Variants in SUPT3H observed in about 807,000 individuals in gnomAD.
The protein encoded by SUPT3H is transcription initiation protein SPT3 homolog.
A neutral mutation model predicts 44.3 loss-of-function variants in SUPT3H; 44 were observed. The observed-to-expected ratio is 0.99, with a 90% CI of 0.78 to 1.28. The LOEUF (loss-of-function observed/expected upper bound fraction) is 1.28. SUPT3H is among the 50% of genes most tolerant of loss of function. The probability of loss-of-function intolerance (pLI) is 0.00; values close to 1 mark genes in which losing one functional copy is unlikely to be tolerated. For synonymous variants in SUPT3H, 124 were observed against 125.6 expected (o/e 0.99, Z 0.09); for missense variants, 380 against 387.1 (o/e 0.98, Z 0.15).
At chr6:45,371,403 T>C (rs1015061448) in intron 1 of SUPT3H, among the ~76,000 whole-genome samples, 14 of 151,820 alleles carry the variant, frequency 9.2e-5, no homozygotes, top group Non-Finnish European at 1.9e-4. Flanking sequence ...ACTTTTTTTT[T>C]TTTTTTTCAC....
At chr6:45,051,231 T>C (rs992751394) in intron 3 of SUPT3H, among the ~76,000 whole-genome samples, 2 of 152,122 alleles carry the variant, frequency 1.3e-5, no homozygotes, top group Non-Finnish European at 2.9e-5. Context: ...GGTTGGGGAA[T>C]AGACAGTTAA....
intron 10 of SUPT3H, among the ~76,000 whole-genome samples, chr6:44,909,220 C>T (rs558992507): frequency 6.6e-6 from 1 of 151,522 alleles, no homozygotes; most frequent in East Asian, 1.9e-4. Flanking sequence ...GCTAAACTTG[C>T]TATCCATATT....
At chr6:44,927,902 TTGAG>T (rs1769784209) in intron 10 of SUPT3H, among the ~76,000 whole-genome samples, 1 of 152,184 alleles carries the variant, frequency 6.6e-6, no homozygotes, top group African/African-American at 2.4e-5. Flanking sequence ...TTGAGTGTGG[TTGAG>T]TGGAATGGTT....
At chr6:44,933,800 C>T (rs1170553202) in intron 9 of SUPT3H, among the ~76,000 whole-genome samples, 4 of 152,134 alleles carry the variant, frequency 2.6e-5, no homozygotes, top group Non-Finnish European at 5.9e-5. Flanking sequence ...AGTGCCACCA[C>T]ATATGGCTAA....
At chr6:45,253,390 G>A (rs543951683) in intron 2 of SUPT3H, among the ~76,000 whole-genome samples, 139 of 152,198 alleles carry the variant, frequency 9.1e-4, no homozygotes, top group African/African-American at 3.2e-3. Context: ...AGCACTACTG[G>A]GCATTTTGAA....
At chr6:45,151,445 A>G (rs968339833) in intron 2 of SUPT3H, among the ~76,000 whole-genome samples, 6 of 152,180 alleles carry the variant, frequency 3.9e-5, no homozygotes, top group African/African-American at 1.4e-4. Flanking sequence ...ATTATCTGTA[A>G]TTAAGATTGC....
chr6:45,336,419 G>C (rs933751312), intron 2 of SUPT3H, among the ~76,000 whole-genome samples: 5 of 151,204 alleles, frequency 3.3e-5, no homozygotes, highest in African/African-American at 1.2e-4. Context: ...CAAGTACCCA[G>C]GAAGAAAATT....
At position 45,364,423 on chromosome 6, in the gene SUPT3H, T is replaced by G. The variant is rs1408890019; in HGVS notation, c.101+778A>C. 5.3e-5 allele frequency among the ~76,000 whole-genome samples: 8 copies of G among 152,286 alleles called. No homozygotes were observed. The East Asian group carries it at 1.4e-3, about 26-fold the overall frequency. On this transcript the variant is annotated intron_variant, in intron 2 of 10. Transcript: ENST00000371459. ...ACACTTAAACCTTCAACAGATATAT[T>G]CTTTTCAACTACCTGTTAAGTCATG...
intron 2 of SUPT3H, chr6:45,197,651 T>C (rs777271335): frequency 6.8e-5 from 24 of 350,970 alleles, no homozygotes; most frequent in Non-Finnish European, 1.0e-4. Flanking sequence ...AAATTGACAA[T>C]ACTATTTTTT....
intron 3 of SUPT3H, among the ~76,000 whole-genome samples, chr6:45,025,649 C>A (rs2396375): frequency 6.6e-6 from 1 of 151,860 alleles, no homozygotes; most frequent in Admixed American, 6.6e-5. Context: ...TTTGGGAGGC[C>A]GAGACAGGCG....
At chr6:45,071,875 T>G (rs1469594769) in intron 3 of SUPT3H, among the ~76,000 whole-genome samples, 3 of 152,200 alleles carry the variant, frequency 2.0e-5, no homozygotes, top group Non-Finnish European at 4.4e-5. Context: ...CTGTTGGTAT[T>G]CCCTGGATTA....
chr6:44,840,479 A>G (rs1374137959), intron 10 of SUPT3H, among the ~76,000 whole-genome samples: 1 of 152,234 alleles, frequency 6.6e-6, no homozygotes, highest in South Asian at 2.1e-4. Context: ...AGAAAAAAGC[A>G]AAAGAAATAT....
At chr6:45,219,441 A>G (rs1475478768) in intron 2 of SUPT3H, among the ~76,000 whole-genome samples, 2 of 152,204 alleles carry the variant, frequency 1.3e-5, no homozygotes, top group Non-Finnish European at 2.9e-5. Context: ...CAGGAATGAA[A>G]AAAACGACAT....
intron 2 of SUPT3H, among the ~76,000 whole-genome samples, chr6:45,177,092 A>C (rs1562617450): frequency 6.6e-6 from 1 of 152,362 alleles, no homozygotes; most frequent in South Asian, 2.1e-4. Flanking sequence ...TAGCTGAGAG[A>C]AGAAGGCTTC....
At chr6:45,090,015 T>C (rs1480507780) in intron 3 of SUPT3H, among the ~76,000 whole-genome samples, 2 of 152,058 alleles carry the variant, frequency 1.3e-5, no homozygotes, top group Non-Finnish European at 2.9e-5. Context: ...ACATTGCTCA[T>C]ACAACTGGAA....
chr6:45,186,144 T>C (rs1284969), intron 2 of SUPT3H, among the ~76,000 whole-genome samples: 94,854 of 151,956 alleles, frequency 0.62, 30,350 homozygotes, highest in African/African-American at 0.78. Context: ...CCCACTTTGC[T>C]GTAGTGGTAC....
intron 3 of SUPT3H, among the ~76,000 whole-genome samples, chr6:45,023,161 G>GAA (rs373426308): frequency 6.9e-6 from 1 of 145,250 alleles, no homozygotes; most frequent in African/African-American, 2.5e-5. Context: ...ACAAGCATTT[G>GAA]AAAAAAAAAG....
At chr6:45,315,425 C>T (rs1282821026) in intron 2 of SUPT3H, among the ~76,000 whole-genome samples, 1 of 151,862 alleles carries the variant, frequency 6.6e-6, no homozygotes, top group Non-Finnish European at 1.5e-5. Context: ...AAACTCAAAT[C>T]AACAAGAAAA....
chr6:44,938,486 T>A (rs114730475), intron 9 of SUPT3H, among the ~76,000 whole-genome samples: 2,703 of 152,324 alleles, frequency 0.018, 53 homozygotes, highest in South Asian at 0.091. Flanking sequence ...CCTCACAGTA[T>A]AATCTGAAGT....
Sources: allele counts gnomAD v4.1 joint callset (sites outside exome capture counted in the v4.1 genomes callset), GRCh38; gene constraint gnomAD v4.1.1; transcripts MANE v1.5; gene names NCBI Gene and HGNC (gene_info 2026-07-23, HGNC 2026-07-21).